The following NEK11 variants were observed in gnomAD, a reference collection of about 807,000 sequenced individuals.
The protein encoded by NEK11 is NIMA related kinase 11.
In NEK11, 72 loss-of-function variants were observed where a neutral mutation model predicts 80.7. That is an observed-to-expected ratio of 0.89 (90% CI 0.74 to 1.08). The LOEUF (loss-of-function observed/expected upper bound fraction) is 1.08, where lower values mean the gene tolerates loss of function less well. Ranked by LOEUF, NEK11 falls within the 50% of genes least tolerant of loss-of-function variation. NEK11 has a pLI of 0.00. For synonymous variants in NEK11, 251 were observed against 260.7 expected, an observed-to-expected ratio of 0.96 and a Z score of 0.36; for missense variants, 764 against 763.6, an observed-to-expected ratio of 1.00 and a Z score of -0.01.
Position 131,034,192 on chromosome 3 carries a change from A to C in NEK11, c.170+4314A>C, listed in dbSNP as rs2065277851. Among the ~76,000 whole-genome samples the C allele has an allele frequency of 3.9e-5, 6 of 152,364 alleles. No homozygotes were observed. The South Asian group carries it at 1.2e-3, about 32-fold the overall frequency. On this transcript the variant is annotated intron_variant, in intron 3 of 17. Transcript: ENST00000383366. ...AATAGAAAAGAGATATTAAGGAAAT[A>C]GGTTTACCCTAAAATACATGATTAA... is the stretch of plus-strand genomic sequence containing the variant.
intron 4 of NEK11, among the ~76,000 whole-genome samples, chr3:131,102,539 A>G (rs2078542420): frequency 6.6e-6 from 1 of 152,112 alleles, no homozygotes; most frequent in Non-Finnish European, 1.5e-5. Flanking sequence ...TTCCGCTGAG[A>G]GGTTTGCTGC....
intron 14 of NEK11, among the ~76,000 whole-genome samples, chr3:131,205,785 A>G (rs753742630): frequency 2.0e-5 from 3 of 152,194 alleles, no homozygotes; most frequent in Non-Finnish European, 4.4e-5. Context: ...AATAACTTTT[A>G]CAAAAATTCT....
intron 16 of NEK11, among the ~76,000 whole-genome samples, chr3:131,270,064 G>A (rs763750250): frequency 2.6e-5 from 4 of 152,182 alleles, no homozygotes; most frequent in Non-Finnish European, 4.4e-5. Flanking sequence ...TAATAGTGAG[G>A]AAGGGTTGCC....
Position 131,030,537 on chromosome 3 carries a change from A to T in NEK11, c.170+659A>T, listed in dbSNP as rs186658036. On this transcript the variant is annotated intron_variant, in intron 3 of 17. Coordinates refer to ENST00000383366, the MANE Select transcript of NEK11 (RefSeq NM_024800.5). Reference sequence around the variant, plus strand: ...AATGACTATTTTTAGAAATGTTACAAAATGCAAATAAACAATTATTCACAT... The same window carrying T: ...AATGACTATTTTTAGAAATGTTACATAATGCAAATAAACAATTATTCACAT... Among the ~76,000 whole-genome samples the T allele has an allele frequency of 3.3e-5, 5 of 152,354 alleles. No homozygotes were observed. The East Asian group carries it at 9.6e-4, about 29-fold the overall frequency.
intron 16 of NEK11, among the ~76,000 whole-genome samples, chr3:131,246,392 A>T (rs768281620): frequency 6.6e-6 from 1 of 152,146 alleles, no homozygotes; most frequent in Non-Finnish European, 1.5e-5. Flanking sequence ...TTACAATAAC[A>T]GTCTCCATTT....
At chr3:131,248,597 C>A (rs1416486049) in intron 16 of NEK11, among the ~76,000 whole-genome samples, 1 of 151,984 alleles carries the variant, frequency 6.6e-6, no homozygotes, top group East Asian at 1.9e-4. Flanking sequence ...CATGGTCCCC[C>A]CGTGGAAAGC....
At chr3:131,146,451 C>T (rs934784968) in intron 7 of NEK11, among the ~76,000 whole-genome samples, 1 of 152,084 alleles carries the variant, frequency 6.6e-6, no homozygotes, top group Admixed American at 6.6e-5. Context: ...ACTGATAAAA[C>T]CAGAGTTTGA....
intron 14 of NEK11, among the ~76,000 whole-genome samples, chr3:131,191,646 A>G (rs1213962138): frequency 6.6e-6 from 1 of 152,122 alleles, no homozygotes; most frequent in African/African-American, 2.4e-5. Flanking sequence ...GGATGTGAAC[A>G]TTGTTTGGGG....
At chr3:131,152,842 C>T (rs1007493642) in intron 9 of NEK11, 133 bp downstream of exon 9, 47 of 673,370 alleles carry the variant, frequency 7.0e-5, no homozygotes, top group Non-Finnish European at 1.8e-5. Context: ...CAAAAAGAAG[C>T]TGAGAGGCCG....
chr3:131,318,661 C>T (rs1229612635), intron 17 of NEK11, among the ~76,000 whole-genome samples: 5 of 150,234 alleles, frequency 3.3e-5, no homozygotes, highest in Non-Finnish European at 7.4e-5. Flanking sequence ...TATTGTTAAC[C>T]GAGAAAAGGA....
At chr3:131,212,184 T>C (rs1255831424) in intron 14 of NEK11, among the ~76,000 whole-genome samples, 1 of 152,212 alleles carries the variant, frequency 6.6e-6, no homozygotes, top group East Asian at 1.9e-4. Context: ...TTGATGCTAT[T>C]TCTTTCTGTT....
intron 4 of NEK11, among the ~76,000 whole-genome samples, chr3:131,090,954 G>A (rs1199910668): frequency 9.2e-5 from 14 of 152,082 alleles, no homozygotes; most frequent in Non-Finnish European, 1.9e-4. Context: ...TTTAGAGATG[G>A]GATCTTGCTA....
intron 2 of NEK11, 84 bp from the exon 3 acceptor site, chr3:131,029,529 T>C: frequency 1.9e-6 from 1 of 515,276 alleles, no homozygotes; most frequent in Admixed American, 3.4e-5. Context: ...CTGATCAAGG[T>C]GCAGATATCA....
intron 17 of NEK11, among the ~76,000 whole-genome samples, chr3:131,344,848 C>T (rs1224187828): frequency 2.6e-5 from 4 of 152,104 alleles, no homozygotes; most frequent in Non-Finnish European, 4.4e-5. Flanking sequence ...AAGGACAGCA[C>T]CAAGCCATGA....
In NEK11 at chr3:131,305,162, C is replaced by T. The variant is rs575806847; in HGVS notation, c.1718+31588C>T. On this transcript the variant is annotated intron_variant, in intron 17 of 17. Transcript: ENST00000383366. Reference sequence around the variant, plus strand: ...AGCAGTGCTATGGTGTGTGCACTGGCGGGGGAGGGAGGGAAGGTCTGTCTA... The same window carrying T: ...AGCAGTGCTATGGTGTGTGCACTGGTGGGGGAGGGAGGGAAGGTCTGTCTA... 5.5e-5 allele frequency among the ~76,000 whole-genome samples: 8 copies of T among 145,432 alleles called. No homozygotes were observed. In the East Asian group the frequency reaches 6.5e-4, roughly 12 times the overall value.
chr3:131,333,078 C>T (rs2097121117), intron 17 of NEK11, among the ~76,000 whole-genome samples: 2 of 152,310 alleles, frequency 1.3e-5, no homozygotes, highest in East Asian at 1.9e-4. Flanking sequence ...CCCAATCTAG[C>T]AAGGCAGGCC....
At position 131,284,375 on chromosome 3, in the gene NEK11, T is replaced by C. The variant is rs150132051; in HGVS notation, c.1718+10801T>C. On this transcript the variant is annotated intron_variant, in intron 17 of 17. Transcript: ENST00000383366. ...GTAGCTCAAAGCCTTTCCTAAGACT[T>C]CTACAAACTCTTGGGTGCTGTGATG... is the stretch of plus-strand genomic sequence containing the variant. Among the ~76,000 whole-genome samples, 453 of 152,318 alleles carry C rather than the reference T, an allele frequency of 3.0e-3. 1 individual carries two copies. The highest frequency in any genetic ancestry group is 6.8e-3 in the Middle Eastern group (2 of 294).
chr3:131,194,901 G>A (rs1160532449), intron 14 of NEK11, among the ~76,000 whole-genome samples: 1 of 152,148 alleles, frequency 6.6e-6, no homozygotes, highest in African/African-American at 2.4e-5. Context: ...CACTGGCTGT[G>A]TGATGTCAGA....
At chr3:131,291,251 A>G (rs2096540691) in intron 17 of NEK11, among the ~76,000 whole-genome samples, 2 of 152,084 alleles carry the variant, frequency 1.3e-5, no homozygotes, top group African/African-American at 4.8e-5. Context: ...ATGTCTTTTC[A>G]TGGCTTAATA....
Sources: gnomAD v4.1 joint callset for allele counts (sites outside exome capture counted in the v4.1 genomes callset) on GRCh38, gnomAD v4.1.1 for gene constraint, MANE v1.5 for transcripts, NCBI Gene and HGNC (gene_info 2026-07-23, HGNC 2026-07-21) for gene names.